SLC9A9: variants seen among roughly 807,000 people sequenced by gnomAD.
SLC9A9 encodes sodium/hydrogen exchanger 9.
SLC9A9 carries 62 observed loss-of-function variants against 77.8 expected under a neutral mutation model. The observed-to-expected ratio is 0.80, with a 90% CI of 0.65 to 0.98. SLC9A9 has a LOEUF of 0.98. Ranked by LOEUF, SLC9A9 falls within the 50% of genes least tolerant of loss-of-function variation. SLC9A9 has a pLI of 0.00. For synonymous variants in SLC9A9, 320 were observed against 283.5 expected (o/e 1.13, Z -1.29); for missense variants, 775 against 774.9 (o/e 1.00, Z 0.00).
At chr3:143,689,115 T>A (rs1933371953) in intron 5 of SLC9A9, among the ~76,000 whole-genome samples, 1 of 151,262 alleles carries the variant, frequency 6.6e-6, no homozygotes, top group African/African-American at 2.4e-5. Flanking sequence ...GTCTACTGCA[T>A]TGACAAGACT....
intron 8 of SLC9A9, among the ~76,000 whole-genome samples, chr3:143,564,812 T>G (rs1559969967): frequency 6.6e-6 from 1 of 152,194 alleles, no homozygotes; most frequent in African/African-American, 2.4e-5. Context: ...TGCACTTAAG[T>G]GTTACTTCAA....
chr3:143,488,519 T>A (rs1359046079), intron 11 of SLC9A9, among the ~76,000 whole-genome samples: 1 of 151,906 alleles, frequency 6.6e-6, no homozygotes, highest in Non-Finnish European at 1.5e-5. Context: ...GCAAATTGAA[T>A]TCAGTAGCAT....
intron 9 of SLC9A9, among the ~76,000 whole-genome samples, chr3:143,550,150 T>A (rs1442357700): frequency 6.6e-6 from 1 of 152,134 alleles, no homozygotes; most frequent in East Asian, 1.9e-4. Context: ...GGGATGAAAG[T>A]GATAGCTCAT....
intron 4 of SLC9A9, among the ~76,000 whole-genome samples, chr3:143,719,169 C>A (rs1934430643): frequency 6.6e-6 from 1 of 152,160 alleles, no homozygotes. Context: ...ATAAAGGGCT[C>A]AGGTTTTCCT....
At chr3:143,756,891 T>C (rs1299932304) in intron 4 of SLC9A9, among the ~76,000 whole-genome samples, 2 of 152,218 alleles carry the variant, frequency 1.3e-5, no homozygotes, top group African/African-American at 2.4e-5. Flanking sequence ...CTCCTCTTAA[T>C]TGATCTCTTA....
intron 2 of SLC9A9, among the ~76,000 whole-genome samples, chr3:143,828,918 G>A (rs972908873): frequency 9.2e-5 from 14 of 152,232 alleles, no homozygotes; most frequent in South Asian, 2.1e-4. Context: ...GCCCATTAGC[G>A]TCACCTTGGT....
chr3:143,286,486 A>C (rs1022653638), intron 14 of SLC9A9, among the ~76,000 whole-genome samples: 2 of 152,342 alleles, frequency 1.3e-5, no homozygotes, highest in Admixed American at 6.5e-5. Context: ...TGACATTCTG[A>C]AAGGAGTCCA....
Position 143,693,150 on chromosome 3 carries a change from T to C in SLC9A9, c.649+42A>G, listed in dbSNP as rs1933527889. 2.7e-6 allele frequency: 4 copies of C among 1,469,880 alleles called. 1 individual carries two copies. The South Asian group carries it at 3.5e-5, about 13-fold the overall frequency. 91.1% of individuals were successfully genotyped at this position (1,469,880 alleles called of 1,614,324 possible). ...TGGGGAGAAACATTCAATTTAAATG[T>C]TTGATTCTTAAAAGAAGAAAATATA... On this transcript the variant is annotated intron_variant, in intron 5 of 15. Transcript: ENST00000316549.
At chr3:143,525,316 T>C (rs576791064) in intron 9 of SLC9A9, among the ~76,000 whole-genome samples, 1 of 152,330 alleles carries the variant, frequency 6.6e-6, no homozygotes, top group East Asian at 1.9e-4. Context: ...CTGTAAGCAT[T>C]GATTATATGC....
chr3:143,820,539 C>T (rs1189577918), intron 2 of SLC9A9, among the ~76,000 whole-genome samples: 1 of 152,200 alleles, frequency 6.6e-6, no homozygotes, highest in South Asian at 2.1e-4. Context: ...GGATTGGCTG[C>T]TGCTGGTCCC....
At chr3:143,370,466 A>G (rs1328697122) in intron 13 of SLC9A9, among the ~76,000 whole-genome samples, 1 of 152,084 alleles carries the variant, frequency 6.6e-6, no homozygotes, top group African/African-American at 2.4e-5. Flanking sequence ...ATCTCACTGT[A>G]CCTGCTTCAT....
chr3:143,389,839 G>T (rs1324633266), intron 12 of SLC9A9, among the ~76,000 whole-genome samples: 1 of 152,198 alleles, frequency 6.6e-6, no homozygotes, highest in Admixed American at 6.5e-5. Flanking sequence ...TGTAAAGACA[G>T]TTTGGACGTC....
chr3:143,752,954 T>G (rs1334736507), intron 4 of SLC9A9, among the ~76,000 whole-genome samples: 1 of 152,200 alleles, frequency 6.6e-6, no homozygotes, highest in Non-Finnish European at 1.5e-5. Flanking sequence ...GGAGTCCCTA[T>G]TGATGATCCT....
chr3:143,585,766 C>T lies in SLC9A9; in HGVS notation c.756-7043G>A, dbSNP rs367909292. On this transcript the variant is annotated intron_variant, in intron 6 of 15. Coordinates refer to ENST00000316549, the MANE Select transcript of SLC9A9 (RefSeq NM_173653.4). ...CACATACTCTCAAGGCACATCAAAC[C>T]CAAGAGCCTTCAGGTTCTGCTCATG... Among the ~76,000 whole-genome samples, 5 of 152,318 alleles carry T rather than the reference C, an allele frequency of 3.3e-5. No homozygotes were observed. The South Asian group carries it at 1.0e-3, about 32-fold the overall frequency.
chr3:143,471,675 C>A (rs1029954977), intron 11 of SLC9A9, among the ~76,000 whole-genome samples: 1 of 151,964 alleles, frequency 6.6e-6, no homozygotes, highest in African/African-American at 2.4e-5. Context: ...TTTGTTTTGG[C>A]CAACTAATCA....
chr3:143,796,256 A>G (rs531265861), intron 3 of SLC9A9, among the ~76,000 whole-genome samples: 32 of 152,340 alleles, frequency 2.1e-4, no homozygotes, highest in African/African-American at 7.7e-4. Context: ...ATGAGCATCA[A>G]CAGTAGTCTT....
intron 4 of SLC9A9, among the ~76,000 whole-genome samples, chr3:143,727,825 C>A (rs1310436980): frequency 6.6e-6 from 1 of 152,230 alleles, no homozygotes; most frequent in Admixed American, 6.5e-5. Flanking sequence ...GTAGAATCTG[C>A]TACTACTGCA....
intron 6 of SLC9A9, among the ~76,000 whole-genome samples, chr3:143,609,697 G>A (rs1052701783): frequency 2.0e-5 from 3 of 151,960 alleles, no homozygotes; most frequent in Admixed American, 2.0e-4. Context: ...CTATTTTTTA[G>A]AAATAAGAGA....
intron 4 of SLC9A9, among the ~76,000 whole-genome samples, chr3:143,716,792 G>A (rs1355341814): frequency 6.6e-6 from 1 of 152,132 alleles, no homozygotes; most frequent in Non-Finnish European, 1.5e-5. Context: ...GCAGGCAGAG[G>A]GAAAGAAAAA....
Sources: allele counts gnomAD v4.1 joint callset (sites outside exome capture counted in the v4.1 genomes callset), GRCh38; gene constraint gnomAD v4.1.1; transcripts MANE v1.5; gene names NCBI Gene and HGNC (gene_info 2026-07-23, HGNC 2026-07-21).